Variants in PSD3 observed in about 807,000 individuals in gnomAD.
PSD3 encodes the protein pleckstrin and Sec7 domain containing 3, also known as PH and SEC7 domain-containing protein 3.
A neutral mutation model predicts 105.5 loss-of-function variants in PSD3; 49 were observed. That is an observed-to-expected ratio of 0.46 (90% CI 0.37 to 0.59). PSD3 has a LOEUF of 0.59. Among genes scored for constraint, PSD3 ranks in the 20% least tolerant of loss-of-function variants. The pLI is 0.00. For synonymous variants in PSD3, 557 were observed against 457.8 expected (o/e 1.22, Z -2.77); for missense variants, 1,561 against 1,263.8 (o/e 1.24, Z -3.57).
At position 18,835,137 on chromosome 8, in the gene PSD3, T is replaced by C. The variant is rs117854106; in HGVS notation, c.1635-30239A>G. Among the ~76,000 whole-genome samples the C allele has an allele frequency of 3.6e-4, 55 of 152,312 alleles. No individual in the cohort carries two copies. The East Asian group carries it at 9.5e-3, about 26-fold the overall frequency. On this transcript the variant is annotated intron_variant, in intron 4 of 15. Coordinates refer to ENST00000327040, the MANE Select transcript of PSD3 (RefSeq NM_015310.4). ...AGGCAGAAGTACAATCTGATATATA[T>C]TGGACTAGGTCTAACAACTCTTAAA...
rs547305175 is a variant in PSD3, at chr8:18,580,788, C to T, written c.2482-5503G>A. Reference sequence around the variant, plus strand: ...CAGGTTTGAACAGCTGCTTTCTAGACCCTAAAGATAAAATCACATAGAGAT... The same window carrying T: ...CAGGTTTGAACAGCTGCTTTCTAGATCCTAAAGATAAAATCACATAGAGAT... On this transcript the variant is annotated intron_variant, in intron 12 of 15. Transcript: ENST00000327040. Among the ~76,000 whole-genome samples, 4 of 152,206 alleles carry T rather than the reference C, an allele frequency of 2.6e-5. No individual in the cohort carries two copies. In the South Asian group the frequency reaches 8.3e-4, roughly 32 times the overall value.
chr8:18,825,681 A>C (rs1186218669), intron 4 of PSD3, among the ~76,000 whole-genome samples: 1 of 152,208 alleles, frequency 6.6e-6, no homozygotes, highest in Non-Finnish European at 1.5e-5. Context: ...TTACTGTTTT[A>C]ACTGATCAAT....
intron 4 of PSD3, among the ~76,000 whole-genome samples, chr8:18,844,771 C>T (rs1340751580): frequency 6.6e-6 from 1 of 152,204 alleles, no homozygotes; most frequent in Non-Finnish European, 1.5e-5. Context: ...AGCAGGGCTC[C>T]TCTGCTATGG....
intron 9 of PSD3, among the ~76,000 whole-genome samples, chr8:18,691,620 G>A (rs773410282): frequency 7.2e-5 from 11 of 152,194 alleles, no homozygotes; most frequent in Non-Finnish European, 1.6e-4. Flanking sequence ...TCATCCAGAT[G>A]AGTAAACCAA....
chr8:18,638,033 G>A (rs1807393288), intron 10 of PSD3, among the ~76,000 whole-genome samples: 4 of 151,736 alleles, frequency 2.6e-5, no homozygotes. Flanking sequence ...GCAGGTGCCT[G>A]TAATCCCAGC....
intron 1 of PSD3, among the ~76,000 whole-genome samples, chr8:18,998,414 G>A (rs1401858319): frequency 6.6e-6 from 1 of 151,970 alleles, no homozygotes; most frequent in Admixed American, 6.6e-5. Flanking sequence ...TGGGCCGGGT[G>A]CGGTGGCTCA....
At chr8:18,537,093 AT>A (rs1208093495) in intron 15 of PSD3, among the ~76,000 whole-genome samples, 5 of 152,210 alleles carry the variant, frequency 3.3e-5, no homozygotes, top group Admixed American at 2.6e-4. Context: ...TCGTTTAACA[AT>A]GGGAAAAAGC....
chr8:18,746,194 T>G (rs894997404), intron 9 of PSD3, among the ~76,000 whole-genome samples: 3 of 152,150 alleles, frequency 2.0e-5, no homozygotes, highest in Non-Finnish European at 2.9e-5. Flanking sequence ...TTCTACACTG[T>G]CCTGCCCACC....
chr8:18,631,843 T>C (rs10108237), intron 11 of PSD3, among the ~76,000 whole-genome samples: 16,557 of 151,960 alleles, frequency 0.11, 1,349 homozygotes, highest in African/African-American at 0.23. Flanking sequence ...AGGATCCAGC[T>C]ACAGATAGAA....
intron 9 of PSD3, chr8:18,683,890 C>T: frequency 1.3e-6 from 1 of 765,272 alleles, no homozygotes; most frequent in Non-Finnish European, 2.4e-6. Flanking sequence ...GAGGTCCTCA[C>T]CCGTACCTTG....
intron 1 of PSD3, among the ~76,000 whole-genome samples, chr8:19,038,928 G>C (rs1446964793): frequency 1.3e-5 from 2 of 152,184 alleles, no homozygotes; most frequent in African/African-American, 4.8e-5. Flanking sequence ...AGCATAGATA[G>C]ATTTAAAATC....
chr8:18,555,141 A>G (rs1262101694), intron 15 of PSD3, among the ~76,000 whole-genome samples: 1 of 152,046 alleles, frequency 6.6e-6, no homozygotes, highest in Non-Finnish European at 1.5e-5. Flanking sequence ...CCTCAGAAAA[A>G]CAACCGGCCA....
At chr8:18,640,874 C>T (rs893195541) in intron 10 of PSD3, among the ~76,000 whole-genome samples, 2 of 152,148 alleles carry the variant, frequency 1.3e-5, no homozygotes, top group South Asian at 2.1e-4. Context: ...TCAGGTAAAC[C>T]GCTCTATCCC....
chr8:18,565,358 C>G (rs563729110), intron 14 of PSD3, among the ~76,000 whole-genome samples: 146 of 152,218 alleles, frequency 9.6e-4, no homozygotes, highest in Non-Finnish European at 1.3e-3. Context: ...CTTTCCACCC[C>G]CAATAGAAGA....
intron 1 of PSD3, among the ~76,000 whole-genome samples, chr8:19,048,034 C>A (rs1281078968): frequency 6.6e-6 from 1 of 152,172 alleles, no homozygotes; most frequent in African/African-American, 2.4e-5. Flanking sequence ...TCCTGGCTCG[C>A]CCAAACCTAG....
At chr8:18,885,210 C>A (rs575565967) in intron 2 of PSD3, among the ~76,000 whole-genome samples, 1 of 152,118 alleles carries the variant, frequency 6.6e-6, no homozygotes, top group African/African-American at 2.4e-5. Flanking sequence ...CCACTTTCTA[C>A]GATCCTTTCT....
intron 1 of PSD3, among the ~76,000 whole-genome samples, chr8:19,069,026 C>G (rs914615699): frequency 6.6e-6 from 1 of 152,148 alleles, no homozygotes. Flanking sequence ...GCACCCAACT[C>G]ACAGTTCTGA....
chr8:18,667,535 G>A (rs1172550076), intron 9 of PSD3, among the ~76,000 whole-genome samples: 3 of 152,218 alleles, frequency 2.0e-5, no homozygotes, highest in Non-Finnish European at 4.4e-5. Flanking sequence ...GACACAGGGT[G>A]CTGATTGGCG....
chr8:19,084,546 G>A (rs1210125391), exon 1 of PSD3: 1 of 391,972 alleles, frequency 2.6e-6, no homozygotes, highest in African/African-American at 2.1e-5. Context: ...AGCTGGGCTA[G>A]GAAGCCTCCA....
Sources: gnomAD v4.1 joint callset for allele counts (sites outside exome capture counted in the v4.1 genomes callset) on GRCh38, gnomAD v4.1.1 for gene constraint, MANE v1.5 for transcripts, NCBI Gene and HGNC (gene_info 2026-07-23, HGNC 2026-07-21) for gene names.